The following GALNT11 variants were observed in gnomAD, a reference collection of about 807,000 sequenced individuals.
The protein encoded by GALNT11 is UDP-GalNAc:polypeptide N-acetylgalactosaminyltransferase 11.
A neutral mutation model predicts 72.7 loss-of-function variants in GALNT11; 47 were observed. The observed-to-expected ratio is 0.65, with a 90% CI of 0.51 to 0.82. The LOEUF (loss-of-function observed/expected upper bound fraction) is 0.82, where lower values mean the gene tolerates loss of function less well. Ranked by LOEUF, GALNT11 falls within the 40% of genes least tolerant of loss-of-function variation. The pLI, the probability that GALNT11 is intolerant of heterozygous loss-of-function variation, is 0.00. For synonymous variants in GALNT11, 270 were observed against 286.6 expected, an observed-to-expected ratio of 0.94 and a Z score of 0.58; for missense variants, 677 against 778.4, an observed-to-expected ratio of 0.87 and a Z score of 1.55.
chr7:152,060,461 A>G (rs1004621218), intron 1 of GALNT11, among the ~76,000 whole-genome samples: 6 of 151,940 alleles, frequency 3.9e-5, no homozygotes, highest in African/African-American at 1.5e-4. Flanking sequence ...CACTAAGCTA[A>G]ATTACTGGTA....
At chr7:152,069,049 A>G (rs770466142) in intron 1 of GALNT11, among the ~76,000 whole-genome samples, 2 of 152,144 alleles carry the variant, frequency 1.3e-5, no homozygotes, top group Non-Finnish European at 1.5e-5. Context: ...GCAAGCTTAG[A>G]TCTTTCTTCC....
intron 1 of GALNT11, among the ~76,000 whole-genome samples, 186 bp downstream of exon 1, chr7:152,026,070 G>C (rs1390853867): frequency 6.6e-6 from 1 of 151,972 alleles, no homozygotes; most frequent in East Asian, 1.9e-4. Flanking sequence ...CGCTGCCCCC[G>C]CGCCTCCCCC....
intron 1 of GALNT11, among the ~76,000 whole-genome samples, chr7:152,086,424 A>G (rs542974193): frequency 6.6e-6 from 1 of 152,340 alleles, no homozygotes; most frequent in Non-Finnish European, 1.5e-5. Context: ...TTATAAATGT[A>G]TATGTTTTTA....
intron 1 of GALNT11, among the ~76,000 whole-genome samples, chr7:152,042,858 G>A (rs1008917368): frequency 6.6e-6 from 1 of 152,086 alleles, no homozygotes; most frequent in Non-Finnish European, 1.5e-5. Context: ...TATACTTTAG[G>A]GGCTTTACCA....
intron 8 of GALNT11, among the ~76,000 whole-genome samples, chr7:152,114,392 A>G (rs28646052): frequency 0.02 from 3,054 of 152,112 alleles, 109 homozygotes; most frequent in African/African-American, 0.071. Flanking sequence ...ATCATAAACT[A>G]TGTGGTCTTT....
At chr7:152,112,414 G>A (rs1192162972) in intron 7 of GALNT11, among the ~76,000 whole-genome samples, 2 of 151,998 alleles carry the variant, frequency 1.3e-5, no homozygotes, top group Non-Finnish European at 2.9e-5. Context: ...GGTGGCGGGT[G>A]CCTGTAATCC....
At chr7:152,108,518 G>A (rs533651567) in intron 6 of GALNT11, among the ~76,000 whole-genome samples, 1 of 152,340 alleles carries the variant, frequency 6.6e-6, no homozygotes, top group African/African-American at 2.4e-5. Flanking sequence ...CCTGTGAGAA[G>A]AGCAGACAGA....
chr7:152,086,181 C>T (rs971573689), intron 1 of GALNT11, among the ~76,000 whole-genome samples: 63 of 152,050 alleles, frequency 4.1e-4, no homozygotes, highest in Non-Finnish European at 7.7e-4. Context: ...CCACCACACC[C>T]GGCCCAATTT....
chr7:152,027,711 C>G (rs1003245987), intron 1 of GALNT11: 1 of 154,298 alleles, frequency 6.5e-6, no homozygotes, highest in Non-Finnish European at 1.4e-5. Flanking sequence ...AAGCCACGGA[C>G]TGTCGCGGTG....
At chr7:152,054,870 G>C (rs892145768) in intron 1 of GALNT11, among the ~76,000 whole-genome samples, 9 of 152,128 alleles carry the variant, frequency 5.9e-5, no homozygotes, top group African/African-American at 2.2e-4. Flanking sequence ...AAAGGATGCT[G>C]TGTTTGTTAG....
chr7:152,051,506 T>C (rs1477243157), intron 1 of GALNT11, among the ~76,000 whole-genome samples: 1 of 152,172 alleles, frequency 6.6e-6, no homozygotes, highest in Non-Finnish European at 1.5e-5. Flanking sequence ...AGATTTGGTC[T>C]ATTCCTTTCT....
chr7:152,115,154 G>A (rs1035096627), intron 8 of GALNT11, among the ~76,000 whole-genome samples: 1 of 152,066 alleles, frequency 6.6e-6, no homozygotes. Context: ...TCAACACATG[G>A]TCCCACTCCT....
intron 6 of GALNT11, among the ~76,000 whole-genome samples, chr7:152,109,502 A>C (rs1363682604): frequency 6.6e-6 from 1 of 152,152 alleles, no homozygotes; most frequent in Admixed American, 6.5e-5. Flanking sequence ...ACTTTTTTGA[A>C]GTAACTAATT....
chr7:152,036,273 GTCTC>G (rs773401718), intron 1 of GALNT11, among the ~76,000 whole-genome samples: 1 of 151,832 alleles, frequency 6.6e-6, no homozygotes, highest in Non-Finnish European at 1.5e-5. Flanking sequence ...CCATTATCTA[GTCTC>G]TCTCTCCGTG....
chr7:152,113,712 C>CTTCTTTTTTTTTTTTTTTTTT (rs2088506392), intron 8 of GALNT11, among the ~76,000 whole-genome samples: 1 of 96,972 alleles, frequency 1.0e-5, no homozygotes, highest in Non-Finnish European at 2.0e-5. Flanking sequence ...AGTTGGCTTT[C>CTTCTTTTTTTTTTTTTTTTTT]TTTTTTTTTT....
chr7:152,042,517 A>G (rs2082913653), intron 1 of GALNT11, among the ~76,000 whole-genome samples: 2 of 148,660 alleles, frequency 1.3e-5, no homozygotes, highest in African/African-American at 5.3e-5. Context: ...TTATCTGTTA[A>G]CCATTTTAAA....
intron 1 of GALNT11, among the ~76,000 whole-genome samples, chr7:152,056,259 T>C (rs1404198191): frequency 1.3e-5 from 2 of 152,214 alleles, no homozygotes; most frequent in Non-Finnish European, 2.9e-5. Flanking sequence ...AGATAATTCT[T>C]TGTTTTTGAG....
intron 8 of GALNT11, among the ~76,000 whole-genome samples, chr7:152,115,931 C>CTG (rs926924769): frequency 1.3e-4 from 20 of 152,072 alleles, no homozygotes; most frequent in African/African-American, 4.8e-4. Flanking sequence ...TGGCGCATGC[C>CTG]TGTAGTTCCA....
chr7:152,120,532 G>A (rs937659125), intron 10 of GALNT11: 4 of 307,156 alleles, frequency 1.3e-5, no homozygotes, highest in South Asian at 3.1e-5. Flanking sequence ...ACACAGTCCA[G>A]GAATTAAGAG....
Sources: allele counts gnomAD v4.1 joint callset (sites outside exome capture counted in the v4.1 genomes callset), GRCh38; gene constraint gnomAD v4.1.1; transcripts MANE v1.5; gene names NCBI Gene and HGNC (gene_info 2026-07-23, HGNC 2026-07-21).